PDIA5: variants seen among roughly 807,000 people sequenced by gnomAD.
PDIA5 encodes the protein protein disulfide isomerase family A member 5.
PDIA5 carries 58 observed loss-of-function variants against 77.6 expected under a neutral mutation model. That is an observed-to-expected ratio of 0.75 (90% CI 0.61 to 0.93). PDIA5 has a LOEUF of 0.93. PDIA5 is among the 40% of genes least tolerant of loss of function. The pLI is 0.00. For missense variants in PDIA5, 630 were observed against 647.7 expected (o/e 0.97, Z 0.30); for synonymous variants, 250 against 252.1 (o/e 0.99, Z 0.08).
chr3:123,114,274 T>A (rs1934941146), intron 7 of PDIA5, among the ~76,000 whole-genome samples: 1 of 152,240 alleles, frequency 6.6e-6, no homozygotes, highest in African/African-American at 2.4e-5. Context: ...AGTGAAAGGC[T>A]GCAGGTGTCC....
At chr3:123,152,147 T>TCCTTCCTTCCTG (rs1935929675) in intron 14 of PDIA5, among the ~76,000 whole-genome samples, 1 of 147,240 alleles carries the variant, frequency 6.8e-6, no homozygotes, top group Non-Finnish European at 1.5e-5. Flanking sequence ...CTGCCTGCCT[T>TCCTTCCTTCCTG]CCTTTCTGCC....
At chr3:123,098,935 G>T (rs1379236082) in intron 3 of PDIA5, among the ~76,000 whole-genome samples, 1 of 152,188 alleles carries the variant, frequency 6.6e-6, no homozygotes, top group Non-Finnish European at 1.5e-5. Flanking sequence ...TCAATTAATT[G>T]TACTTAATCT....
intron 3 of PDIA5, among the ~76,000 whole-genome samples, chr3:123,099,988 A>G (rs533800201): frequency 6.6e-6 from 1 of 152,374 alleles, no homozygotes; most frequent in East Asian, 1.9e-4. Context: ...AGCCCTTCGC[A>G]GCTGCTGGTG....
chr3:123,154,247 G>T (rs1368384929), intron 14 of PDIA5, among the ~76,000 whole-genome samples: 1 of 152,196 alleles, frequency 6.6e-6, no homozygotes, highest in Non-Finnish European at 1.5e-5. Context: ...AAGGCCTTAG[G>T]CTGCTCTGAC....
In PDIA5 at chr3:123,150,180, C is replaced by G. The variant is rs929578819; in HGVS notation, c.1143-54C>G. 1.1e-5 allele frequency: 16 copies of G among 1,434,738 alleles called. No individual in the cohort carries two copies. In the Middle Eastern group the frequency reaches 6.3e-4, roughly 56 times the overall value. 88.9% of individuals were successfully genotyped at this position (1,434,738 alleles called of 1,614,324 possible). A position where few individuals can be genotyped will look rare whatever the true frequency, so the allele number is the denominator to read the frequency against. Reference sequence around the variant, plus strand: ...GGACATTGAGGGTGGATTTCCTTGCCCATCTAAAAATCTCTCCTTATGGCT... The same window carrying G: ...GGACATTGAGGGTGGATTTCCTTGCGCATCTAAAAATCTCTCCTTATGGCT... On this transcript the variant is annotated intron_variant, in intron 13 of 16. Coordinates refer to ENST00000316218, the MANE Select transcript of PDIA5 (RefSeq NM_006810.4).
intron 3 of PDIA5, among the ~76,000 whole-genome samples, chr3:123,096,604 C>A (rs1251417956): frequency 6.6e-6 from 1 of 151,920 alleles, no homozygotes; most frequent in African/African-American, 2.4e-5. Context: ...TTATGTGCAC[C>A]TATAGGAACA....
chr3:123,148,376 T>C, intron 13 of PDIA5, among the ~76,000 whole-genome samples: 1 of 152,066 alleles, frequency 6.6e-6, no homozygotes, highest in East Asian at 1.9e-4. Flanking sequence ...AAGACCAGCC[T>C]GGGCAACATA....
chr3:123,149,816 C>T (rs1307258358), intron 13 of PDIA5, among the ~76,000 whole-genome samples: 1 of 152,076 alleles, frequency 6.6e-6, no homozygotes, highest in Non-Finnish European at 1.5e-5. Flanking sequence ...ACTCCTTGGC[C>T]CATGCTCTCC....
intron 3 of PDIA5, 132 bp from the exon 4 acceptor site, chr3:123,102,279 A>G (rs1446312824): frequency 1.4e-6 from 1 of 693,488 alleles, no homozygotes; most frequent in Non-Finnish European, 2.6e-6. Context: ...GCCCATCTAT[A>G]GTAAGGCCTT....
intron 6 of PDIA5, among the ~76,000 whole-genome samples, chr3:123,107,218 C>T (rs563970996): frequency 2.8e-4 from 42 of 152,132 alleles, no homozygotes; most frequent in African/African-American, 9.4e-4. Flanking sequence ...AAAGAATAAC[C>T]TTAGAGATTT....
At position 123,121,714 on chromosome 3, in the gene PDIA5, G is replaced by A. The variant is rs535549912; in HGVS notation, c.610-2352G>A. On this transcript the variant is annotated intron_variant, in intron 8 of 16. Coordinates refer to ENST00000316218, the MANE Select transcript of PDIA5 (RefSeq NM_006810.4). ...CAAGTGGGGGCCAGGAGAGAACAGCGAGTGTTCCAGAAGTGTGGGCAGAAA... is the reference window on the plus strand; with the variant it reads ...CAAGTGGGGGCCAGGAGAGAACAGCAAGTGTTCCAGAAGTGTGGGCAGAAA... Among the ~76,000 whole-genome samples the A allele has an allele frequency of 7.9e-5, 12 of 152,322 alleles. No homozygotes were observed. The South Asian group carries it at 2.1e-3, about 26-fold the overall frequency.
chr3:123,108,611 C>T (rs550589865), intron 6 of PDIA5, among the ~76,000 whole-genome samples: 1 of 272 alleles, frequency 3.7e-3, no homozygotes, highest in African/African-American at 0.021. Flanking sequence ...GCATGTGGGC[C>T]CGGCACTGGC....
intron 14 of PDIA5, among the ~76,000 whole-genome samples, chr3:123,153,168 G>T (rs1238669136): frequency 6.6e-6 from 1 of 152,056 alleles, no homozygotes; most frequent in Non-Finnish European, 1.5e-5. Context: ...TTAAATTGAT[G>T]GTAACAGGAA....
intron 1 of PDIA5, among the ~76,000 whole-genome samples, chr3:123,075,639 G>C (rs1933835619): frequency 6.6e-6 from 1 of 152,112 alleles, no homozygotes; most frequent in Non-Finnish European, 1.5e-5. Context: ...GAGCAGGGGA[G>C]ATGGAAAATT....
chr3:123,077,716 T>G (rs1037045580), intron 1 of PDIA5, among the ~76,000 whole-genome samples: 12 of 152,160 alleles, frequency 7.9e-5, no homozygotes, highest in African/African-American at 2.9e-4. Context: ...CTTCACTCCT[T>G]ATGAAGAGTG....
chr3:123,067,192 C>G lies in PDIA5; in HGVS notation c.28C>G (p.Leu10Val). The G allele has an allele frequency of 8.0e-7, 1 of 1,247,906 alleles. No individual in the cohort carries two copies. Among genetic ancestry groups the G allele is most frequent in the Non-Finnish European group, 1.0e-6 (1 of 990,510 alleles). The allele number at this position is 1,247,906 out of a possible 1,614,324, so 77.3% of individuals were successfully genotyped here. Residue 10 changes from leucine (L) to valine (V), a missense_variant, in exon 1 of 17, where the codon CTG becomes GTG. Leu to Val is a conservative substitution (Grantham distance 32, BLOSUM62 1). Transcript: ENST00000316218. MARAGPAWL[L>V]LAIWVVLPSW... ...GGCGCGGGCCGGGCCGGCGTGGCTG[C>G]TGCTGGCAATCTGGGTGAGACTGTG...
intron 11 of PDIA5, chr3:123,144,812 C>G (rs1451720662): frequency 1.3e-5 from 2 of 152,094 alleles, no homozygotes; most frequent in Admixed American, 6.5e-5. Flanking sequence ...GGCATGAACC[C>G]AGGAGGCGGA....
Position 123,161,383 on chromosome 3 carries a change from G to A in PDIA5, c.1407G>A (p.Ala469=), listed in dbSNP as rs529760251. 61 of 1,614,126 alleles carry A rather than the reference G, an allele frequency of 3.8e-5. 1 individual carries two copies. In the South Asian group the frequency reaches 4.0e-4, roughly 10 times the overall value. Residue 469 remains alanine (A), a synonymous_variant, in exon 16 of 17, where the codon GCG becomes GCA. Transcript: ENST00000316218. The part of the protein sequence containing the change: ...DKNQDLCQQE[A]VKGYPTFHYY... ...ACCAAGACCTGTGCCAGCAGGAGGC[G>A]GTCAAGGGCTACCCCACTTTCCACT...
At chr3:123,091,496 A>G (rs1296432613) in intron 2 of PDIA5, among the ~76,000 whole-genome samples, 1 of 152,168 alleles carries the variant, frequency 6.6e-6, no homozygotes, top group African/African-American at 2.4e-5. Flanking sequence ...GGCCACAGCC[A>G]CTTTGCAGTG....
Sources: allele counts gnomAD v4.1 joint callset (sites outside exome capture counted in the v4.1 genomes callset), GRCh38; gene constraint gnomAD v4.1.1; transcripts MANE v1.5; gene names NCBI Gene and HGNC (gene_info 2026-07-23, HGNC 2026-07-21).